Variants in SDHAF3 observed in about 807,000 individuals in gnomAD.
SDHAF3 encodes succinate dehydrogenase complex assembly factor 3.
SDHAF3 carries 18 observed loss-of-function variants against 11.5 expected under a neutral mutation model. That is an observed-to-expected ratio of 1.56 (90% CI 1.08 to 2.32). The LOEUF is 2.32. Among genes scored for constraint, SDHAF3 ranks in the 30% most tolerant of loss-of-function variants. The pLI is 0.00. For missense variants in SDHAF3, 200 were observed against 154.4 expected, an observed-to-expected ratio of 1.30 and a Z score of -1.57; for synonymous variants, 72 against 59.3, an observed-to-expected ratio of 1.21 and a Z score of -0.99.
In SDHAF3 at chr7:97,147,790, A is replaced by C. The variant is rs145872970; in HGVS notation, c.174+29893A>C. Reference sequence around the variant, plus strand: ...TGTACGCACCACCAATTGCATGTACATTCCTCTCAAAGACTCTAATAAGAA... The same window carrying C: ...TGTACGCACCACCAATTGCATGTACCTTCCTCTCAAAGACTCTAATAAGAA... On this transcript the variant is annotated intron_variant, in intron 1 of 1. Transcript: ENST00000432641. Among the ~76,000 whole-genome samples, 5 of 152,356 alleles carry C rather than the reference A, an allele frequency of 3.3e-5. 1 individual carries two copies. In the East Asian group the frequency reaches 9.6e-4, roughly 29 times the overall value.
intron 1 of SDHAF3, among the ~76,000 whole-genome samples, chr7:97,177,951 G>C (rs1033846461): frequency 6.6e-6 from 1 of 152,118 alleles, no homozygotes; most frequent in African/African-American, 2.4e-5. Context: ...AACTGTGTTT[G>C]TAATAATTTT....
At chr7:97,141,860 A>G (rs1789048938) in intron 1 of SDHAF3, among the ~76,000 whole-genome samples, 1 of 152,110 alleles carries the variant, frequency 6.6e-6, no homozygotes, top group Non-Finnish European at 1.5e-5. Flanking sequence ...TTCATTGAGA[A>G]CAAAAACAAT....
chr7:97,137,718 T>C (rs949538654), intron 1 of SDHAF3, among the ~76,000 whole-genome samples: 3 of 152,184 alleles, frequency 2.0e-5, no homozygotes, highest in Non-Finnish European at 4.4e-5. Flanking sequence ...TGAATGCTGG[T>C]CTTTTGGCAG....
chr7:97,154,374 C>T (rs1318567254), intron 1 of SDHAF3, among the ~76,000 whole-genome samples: 6 of 152,274 alleles, frequency 3.9e-5, no homozygotes, highest in African/African-American at 1.4e-4. Flanking sequence ...GTTAAGAGGC[C>T]TGACACTAAT....
chr7:97,165,087 A>G (rs546021416), intron 1 of SDHAF3, among the ~76,000 whole-genome samples: 8 of 152,092 alleles, frequency 5.3e-5, no homozygotes, highest in Non-Finnish European at 8.8e-5. Context: ...GATCAAGACC[A>G]TCCTGGCTAA....
chr7:97,160,959 C>A (rs1256648094), intron 1 of SDHAF3, among the ~76,000 whole-genome samples: 1 of 151,672 alleles, frequency 6.6e-6, no homozygotes, highest in Non-Finnish European at 1.5e-5. Context: ...ACAGATGGTC[C>A]CCCACTTAAC....
intron 1 of SDHAF3, among the ~76,000 whole-genome samples, chr7:97,169,773 C>T (rs1789576248): frequency 6.6e-6 from 1 of 151,910 alleles, no homozygotes; most frequent in Non-Finnish European, 1.5e-5. Context: ...GTTTTGAACT[C>T]TTTATGTTTT....
At chr7:97,146,507 C>G (rs1789137300) in intron 1 of SDHAF3, among the ~76,000 whole-genome samples, 1 of 152,076 alleles carries the variant, frequency 6.6e-6, no homozygotes, top group Non-Finnish European at 1.5e-5. Context: ...AATAATTGTT[C>G]TTGAGACATA....
chr7:97,119,629 A>C (rs754005165), intron 1 of SDHAF3, among the ~76,000 whole-genome samples: 3 of 152,152 alleles, frequency 2.0e-5, no homozygotes, highest in Non-Finnish European at 4.4e-5. Context: ...TTTATTTACA[A>C]TTTGCCAGCC....
chr7:97,134,285 G>T (rs904380478), intron 1 of SDHAF3, among the ~76,000 whole-genome samples: 1 of 152,162 alleles, frequency 6.6e-6, no homozygotes, highest in African/African-American at 2.4e-5. Context: ...CCAATCATGG[G>T]CCTCAAGAGT....
At chr7:97,148,611 G>T (rs1789171076) in intron 1 of SDHAF3, among the ~76,000 whole-genome samples, 1 of 152,146 alleles carries the variant, frequency 6.6e-6, no homozygotes, top group Non-Finnish European at 1.5e-5. Flanking sequence ...AATTCACCCT[G>T]TTCCTAGATT....
At chr7:97,133,682 T>C (rs1214028269) in intron 1 of SDHAF3, among the ~76,000 whole-genome samples, 1 of 152,182 alleles carries the variant, frequency 6.6e-6, no homozygotes, top group Non-Finnish European at 1.5e-5. Flanking sequence ...CAGATTCTTC[T>C]CTTTGTGTGT....
In SDHAF3 at chr7:97,179,475, T is replaced by C. The variant is rs11978826; in HGVS notation, c.175-1537T>C. Among the ~76,000 whole-genome samples the C allele has an allele frequency of 4.3e-3, 611 of 141,752 alleles. 4 individuals carry two copies. The highest frequency in any genetic ancestry group is 0.015 in the African/African-American group (584 of 39,822). 93.0% of individuals were successfully genotyped at this position (141,752 alleles called of 152,430 possible). A position where few individuals can be genotyped will look rare whatever the true frequency, so the allele number is the denominator to read the frequency against. On this transcript the variant is annotated intron_variant, in intron 1 of 1. Transcript: ENST00000432641. ...TTCTATTGAAGTACAATTATTTCCA[T>C]TTTTTTTTTTTTTTTTGCTTTAACA...
At chr7:97,129,659 T>C (rs1474959932) in intron 1 of SDHAF3, among the ~76,000 whole-genome samples, 1 of 152,090 alleles carries the variant, frequency 6.6e-6, no homozygotes, top group Non-Finnish European at 1.5e-5. Context: ...TGATGCAGGA[T>C]TTTTTCAGTG....
chr7:97,148,054 C>A (rs1001010260), intron 1 of SDHAF3, among the ~76,000 whole-genome samples: 2 of 152,088 alleles, frequency 1.3e-5, no homozygotes, highest in East Asian at 1.9e-4. Context: ...CAGGCACATG[C>A]TACCATGCTC....
At chr7:97,145,010 C>T (rs1178317345) in intron 1 of SDHAF3, among the ~76,000 whole-genome samples, 1 of 148,312 alleles carries the variant, frequency 6.7e-6, no homozygotes, top group Non-Finnish European at 1.5e-5. Flanking sequence ...TTGTAGAGGT[C>T]TTTCAACTCC....
chr7:97,119,094 A>G (rs1016773751), intron 1 of SDHAF3, among the ~76,000 whole-genome samples: 1 of 152,198 alleles, frequency 6.6e-6, no homozygotes, highest in Non-Finnish European at 1.5e-5. Context: ...TTATTTTCTC[A>G]TCTATAAAAT....
intron 1 of SDHAF3, among the ~76,000 whole-genome samples, chr7:97,165,649 A>C (rs188439400): frequency 6.6e-6 from 1 of 152,138 alleles, no homozygotes; most frequent in Admixed American, 6.5e-5. Context: ...GAATTCTGAT[A>C]TTTAGATTTG....
intron 1 of SDHAF3, among the ~76,000 whole-genome samples, chr7:97,155,259 A>AT (rs1789284825): frequency 6.6e-6 from 1 of 152,204 alleles, no homozygotes; most frequent in African/African-American, 2.4e-5. Context: ...ATTTAAATTA[A>AT]AATGAAATCA....
Sources: allele counts gnomAD v4.1 joint callset (sites outside exome capture counted in the v4.1 genomes callset), GRCh38; gene constraint gnomAD v4.1.1; transcripts MANE v1.5; gene names NCBI Gene and HGNC (gene_info 2026-07-23, HGNC 2026-07-21).